Variants in NEXMIF observed in about 807,000 individuals in gnomAD.
NEXMIF encodes neurite extension and migration factor.
In NEXMIF, 8 loss-of-function variants were observed where a neutral mutation model predicts 62.1. The observed-to-expected ratio is 0.13, with a 90% confidence interval of 0.08 to 0.23. NEXMIF has a LOEUF of 0.23. Among genes scored for constraint, NEXMIF ranks in the 10% least tolerant of loss-of-function variants. The pLI is 1.00. For missense variants in NEXMIF, 976 were observed against 1,113.3 expected (o/e 0.88, Z 1.75); for synonymous variants, 404 against 416.6 (o/e 0.97, Z 0.37).
intron 1 of NEXMIF, among the ~76,000 whole-genome samples, chrX:74,815,397 T>C (rs1391634676): frequency 9.0e-6 from 1 of 111,395 alleles, no homozygotes; most frequent in Admixed American, 9.6e-5. Flanking sequence ...ATTAATACGA[T>C]GCTAGCAATA....
chrX:74,773,586 A>G (rs1361062489), intron 1 of NEXMIF, among the ~76,000 whole-genome samples: 24 of 111,098 alleles, frequency 2.2e-4, no homozygotes, highest in South Asian at 3.8e-4. Context: ...AATCAAGTTG[A>G]ACTCTTTACA....
rs779178852 is a variant in NEXMIF, at chrX:74,763,091, T to C, written c.-47-17394A>G. Reference sequence around the variant, plus strand: ...CCTAGGTTTTCTTCTAGGGTTTTTATGGTTTTAGGTCTAATATTTAAGTCT... The same window carrying C: ...CCTAGGTTTTCTTCTAGGGTTTTTACGGTTTTAGGTCTAATATTTAAGTCT... On this transcript the variant is annotated intron_variant, in intron 1 of 3. Transcript: ENST00000055682. Among the ~76,000 whole-genome samples, 5 of 112,373 alleles carry C rather than the reference T, an allele frequency of 4.4e-5. No homozygotes were observed. In the South Asian group the frequency reaches 1.8e-3, roughly 42 times the overall value.
chrX:74,802,073 T>C (rs1435939397), intron 1 of NEXMIF, among the ~76,000 whole-genome samples: 1 of 111,982 alleles, frequency 8.9e-6, no homozygotes, highest in East Asian at 2.8e-4. Context: ...TTCTAAGGTT[T>C]TGGACTCTAG....
rs750003906 is a variant in NEXMIF, at chrX:74,899,631, ATGT to A, written c.-48+25249_-48+25251del. On this transcript the variant is annotated intron_variant, in intron 1 of 3. Coordinates refer to ENST00000055682, the MANE Select transcript of NEXMIF (RefSeq NM_001008537.3). ...CCATGTTCATGGATTAGAATAATTA[ATGT>A]TGTTAAAATGTCCATACTACCCAAA... is the stretch of plus-strand genomic sequence containing the variant. Among the ~76,000 whole-genome samples, 472 of 112,160 alleles carry A rather than the reference ATGT, an allele frequency of 4.2e-3. 1 individual carries two copies. Among genetic ancestry groups the A allele is most frequent in the Non-Finnish European group, 6.2e-3 (330 of 53,226 alleles).
At chrX:74,765,624 T>G (rs1414696009) in intron 1 of NEXMIF, among the ~76,000 whole-genome samples, 1 of 111,140 alleles carries the variant, frequency 9.0e-6, no homozygotes, top group Non-Finnish European at 1.9e-5. Context: ...GTTATGGTTG[T>G]AATAAACTTC....
chrX:74,834,773 C>T (rs996932974), intron 1 of NEXMIF, among the ~76,000 whole-genome samples: 1 of 111,015 alleles, frequency 9.0e-6, no homozygotes, highest in Admixed American at 9.6e-5. Context: ...TATTAGATGC[C>T]TTGAGGTAGT....
At chrX:74,803,161 T>C (rs1335679882) in intron 1 of NEXMIF, among the ~76,000 whole-genome samples, 2 of 111,223 alleles carry the variant, frequency 1.8e-5, no homozygotes, top group Admixed American at 9.6e-5. Flanking sequence ...AAAGGGAAAA[T>C]AACGAGAACT....
intron 1 of NEXMIF, among the ~76,000 whole-genome samples, chrX:74,755,590 C>A (rs1183542434): frequency 7.2e-5 from 8 of 111,443 alleles, no homozygotes; most frequent in Non-Finnish European, 1.3e-4. Flanking sequence ...TAAATAAATC[C>A]ATCTCTGATC....
Position 74,734,659 on chromosome X carries a change from A to T in NEXMIF, c.*4746T>A, listed in dbSNP as rs149604954. 1.8e-5 allele frequency: 2 copies of T among 111,902 alleles called. No individual in the cohort carries two copies. The highest frequency in any genetic ancestry group is 3.8e-5 in the Non-Finnish European group (2 of 53,092). The allele number at this position is 111,902 out of a possible 1,213,427, so 9.2% of individuals were successfully genotyped here. A position where few individuals can be genotyped will look rare whatever the true frequency, so the allele number is the denominator to read the frequency against. Reference sequence around the variant, plus strand: ...TCAATTTACCCAGATACTGATTTTGAAAGCCTCATTCACACCATAAACTTT... The same window carrying T: ...TCAATTTACCCAGATACTGATTTTGTAAGCCTCATTCACACCATAAACTTT... On this transcript the variant is annotated 3_prime_UTR_variant, in exon 4 of 4. Transcript: ENST00000055682.
intron 1 of NEXMIF, among the ~76,000 whole-genome samples, chrX:74,910,600 G>A (rs190881692): frequency 9.9e-5 from 11 of 111,525 alleles, no homozygotes; most frequent in African/African-American, 3.3e-5. Context: ...TTGGGAAGGC[G>A]TGTTTGGTTT....
intron 1 of NEXMIF, among the ~76,000 whole-genome samples, chrX:74,820,998 CAT>C (rs2080393439): frequency 9.0e-6 from 1 of 110,982 alleles, no homozygotes; most frequent in Non-Finnish European, 1.9e-5. Flanking sequence ...CCAACCTGTA[CAT>C]GTGTCCCCTC....
intron 1 of NEXMIF, among the ~76,000 whole-genome samples, chrX:74,798,247 C>A (rs891897900): frequency 9.0e-6 from 1 of 111,457 alleles, no homozygotes; most frequent in African/African-American, 3.3e-5. Context: ...CACCAAAAAC[C>A]AAACCAAAAC....
intron 1 of NEXMIF, among the ~76,000 whole-genome samples, chrX:74,901,400 CA>C (rs1307662990): frequency 9.0e-6 from 1 of 111,555 alleles, no homozygotes; most frequent in Admixed American, 9.5e-5. Flanking sequence ...TATAAATAGC[CA>C]GGATGGTAGT....
chrX:74,907,336 C>CG (rs1270438742), intron 1 of NEXMIF, among the ~76,000 whole-genome samples: 1 of 30,256 alleles, frequency 3.3e-5, no homozygotes, highest in African/African-American at 1.6e-4. Context: ...GCAAGAGCAC[C>CG]CCCCCCCCCG....
chrX:74,762,013 C>T (rs895815039), intron 1 of NEXMIF, among the ~76,000 whole-genome samples: 21 of 110,806 alleles, frequency 1.9e-4, no homozygotes, highest in African/African-American at 6.2e-4. Context: ...ATGTGCACAA[C>T]GTGCAGGTTT....
chrX:74,884,036 C>T (rs1003679296), intron 1 of NEXMIF, among the ~76,000 whole-genome samples: 1 of 111,773 alleles, frequency 8.9e-6, no homozygotes, highest in African/African-American at 3.3e-5. Context: ...ATTTCATATC[C>T]AGCCAAACTA....
intron 1 of NEXMIF, among the ~76,000 whole-genome samples, chrX:74,791,451 G>A (rs1288341144): frequency 7.2e-5 from 8 of 110,885 alleles, no homozygotes; most frequent in East Asian, 2.8e-4. Flanking sequence ...TTTTTGTTGT[G>A]TCTCTGCCTG....
intron 1 of NEXMIF, among the ~76,000 whole-genome samples, chrX:74,791,711 T>C (rs183110726): frequency 9.1e-6 from 1 of 109,847 alleles, no homozygotes; most frequent in East Asian, 2.9e-4. Flanking sequence ...CTTGGGAGAG[T>C]GTATGTGACG....
At chrX:74,835,097 T>C (rs2080452064) in intron 1 of NEXMIF, among the ~76,000 whole-genome samples, 1 of 112,368 alleles carries the variant, frequency 8.9e-6, no homozygotes, top group South Asian at 3.7e-4. Flanking sequence ...CTCTGATGCA[T>C]TCATTCTTCA....
Sources: allele counts gnomAD v4.1 joint callset (sites outside exome capture counted in the v4.1 genomes callset), GRCh38; gene constraint gnomAD v4.1.1; transcripts MANE v1.5; gene names NCBI Gene and HGNC (gene_info 2026-07-23, HGNC 2026-07-21).